Variants in TRIQK observed in about 807,000 individuals in gnomAD.
TRIQK encodes the protein triple QxxK/R motif containing, also known as triple QxxK/R motif-containing protein.
A neutral mutation model predicts 10.8 loss-of-function variants in TRIQK; 10 were observed. That is an observed-to-expected ratio of 0.92 (90% CI 0.57 to 1.57). The LOEUF is 1.57. TRIQK is among the 40% of genes most tolerant of loss of function. The pLI, the probability that TRIQK is intolerant of heterozygous loss-of-function variation, is 0.00. For synonymous variants in TRIQK, 33 were observed against 33.7 expected (o/e 0.98, Z 0.07); for missense variants, 107 against 97.7 (o/e 1.09, Z -0.40).
In TRIQK at chr8:92,920,409, G is replaced by A. The variant is rs146090035; in HGVS notation, c.-21-3399C>T. On this transcript the variant is annotated intron_variant, in intron 2 of 4. Transcript: ENST00000521988. ...GTCACAAGCAAAAATATAGAGAATA[G>A]AAAGTCCAGTAATTTGGGGCTAAAA... is the stretch of plus-strand genomic sequence containing the variant. Among the ~76,000 whole-genome samples, 147 of 151,560 alleles carry A rather than the reference G, an allele frequency of 9.7e-4. 2 individuals are homozygous for A. The highest frequency in any genetic ancestry group is 3.5e-3 in the African/African-American group (144 of 41,438).
chr8:92,944,528 A>G (rs768575891), intron 2 of TRIQK, among the ~76,000 whole-genome samples: 45 of 152,188 alleles, frequency 3.0e-4, no homozygotes, highest in Non-Finnish European at 5.1e-4. Flanking sequence ...CTATCCAGCC[A>G]TAAAAAAGAA....
chr8:92,889,037 T>G (rs1286904364), intron 4 of TRIQK, among the ~76,000 whole-genome samples: 1 of 151,642 alleles, frequency 6.6e-6, no homozygotes, highest in Admixed American at 6.6e-5. Context: ...ATTGCATTAC[T>G]GGGCCATAAA....
intron 1 of TRIQK, among the ~76,000 whole-genome samples, chr8:92,988,937 A>C (rs995474677): frequency 6.6e-6 from 1 of 152,024 alleles, no homozygotes; most frequent in African/African-American, 2.4e-5. Flanking sequence ...GCAGTGTTTT[A>C]TTTATTTTTG....
chr8:93,012,172 G>A (rs1813342022), intron 1 of TRIQK, among the ~76,000 whole-genome samples: 2 of 152,160 alleles, frequency 1.3e-5, no homozygotes, highest in African/African-American at 4.8e-5. Context: ...AAATTGGATG[G>A]ATCAATCATA....
chr8:93,006,434 C>G (rs111886462), intron 1 of TRIQK, among the ~76,000 whole-genome samples: 2 of 152,146 alleles, frequency 1.3e-5, no homozygotes, highest in Non-Finnish European at 2.9e-5. Flanking sequence ...CAGATCTGTG[C>G]GACACACGGA....
At chr8:92,955,968 T>C (rs1210584216) in intron 1 of TRIQK, among the ~76,000 whole-genome samples, 1 of 151,728 alleles carries the variant, frequency 6.6e-6, no homozygotes, top group African/African-American at 2.4e-5. Flanking sequence ...CTGGTAGAAA[T>C]GTAAAATGTT....
At chr8:92,919,308 T>C (rs1287203684) in intron 2 of TRIQK, among the ~76,000 whole-genome samples, 1 of 151,932 alleles carries the variant, frequency 6.6e-6, no homozygotes, top group Non-Finnish European at 1.5e-5. Context: ...TAGATCACTT[T>C]GGGTAGTAGA....
At chr8:93,002,667 C>T (rs1359585258) in intron 1 of TRIQK, among the ~76,000 whole-genome samples, 1 of 152,042 alleles carries the variant, frequency 6.6e-6, no homozygotes, top group Admixed American at 6.6e-5. Flanking sequence ...GACCTGTAAT[C>T]CCAGCAGTTT....
At chr8:92,909,723 A>G (rs1809469289) in intron 3 of TRIQK, among the ~76,000 whole-genome samples, 1 of 151,740 alleles carries the variant, frequency 6.6e-6, no homozygotes, top group African/African-American at 2.4e-5. Flanking sequence ...AAAAATGCTA[A>G]CCAAGCAAAA....
intron 1 of TRIQK, among the ~76,000 whole-genome samples, chr8:92,981,866 A>G (rs1033697827): frequency 6.6e-6 from 1 of 151,976 alleles, no homozygotes; most frequent in South Asian, 2.1e-4. Flanking sequence ...GAGTGTAATC[A>G]TGTATATTTT....
intron 1 of TRIQK, among the ~76,000 whole-genome samples, chr8:92,957,559 GA>G (rs1459483701): frequency 6.6e-6 from 1 of 151,842 alleles, no homozygotes; most frequent in Non-Finnish European, 1.5e-5. Flanking sequence ...TTTAGTAGAA[GA>G]AATGCAAAGT....
At chr8:92,951,644 C>A (rs1011452925) in intron 2 of TRIQK, among the ~76,000 whole-genome samples, 1 of 152,114 alleles carries the variant, frequency 6.6e-6, no homozygotes, top group Non-Finnish European at 1.5e-5. Context: ...ACAGTAAATA[C>A]TTGAGAAAAA....
At chr8:92,930,077 T>C (rs1248625212) in intron 2 of TRIQK, among the ~76,000 whole-genome samples, 1 of 151,358 alleles carries the variant, frequency 6.6e-6, no homozygotes, top group African/African-American at 2.4e-5. Flanking sequence ...AATAAATAAA[T>C]TTTAAAAAGA....
At chr8:92,983,063 G>C (rs1451888472) in intron 1 of TRIQK, among the ~76,000 whole-genome samples, 1 of 151,912 alleles carries the variant, frequency 6.6e-6, no homozygotes, top group Admixed American at 6.6e-5. Flanking sequence ...TGTTTTTAAA[G>C]TTACAAATAC....
At chr8:92,930,024 T>G (rs565646564) in intron 2 of TRIQK, among the ~76,000 whole-genome samples, 79 of 151,838 alleles carry the variant, frequency 5.2e-4, no homozygotes, top group African/African-American at 1.7e-3. Flanking sequence ...GTTGTGCACA[T>G]GTACCCTAGA....
intron 2 of TRIQK, among the ~76,000 whole-genome samples, chr8:92,935,290 A>G (rs1810929961): frequency 6.6e-6 from 1 of 151,834 alleles, no homozygotes; most frequent in Non-Finnish European, 1.5e-5. Flanking sequence ...AACTTGATCA[A>G]TGTTGTGAAC....
upstream of TRIQK, among the ~76,000 whole-genome samples, chr8:92,966,813 C>T (rs1812767978): frequency 6.6e-6 from 1 of 151,892 alleles, no homozygotes; most frequent in South Asian, 2.1e-4. Context: ...AATCTAAGTG[C>T]CTGCAGCCAT....
intron 2 of TRIQK, among the ~76,000 whole-genome samples, chr8:92,949,015 A>G (rs991500313): frequency 1.3e-5 from 2 of 152,194 alleles, no homozygotes; most frequent in Non-Finnish European, 2.9e-5. Flanking sequence ...AAATGAGGCA[A>G]ACACCAAGCT....
At chr8:92,935,073 C>T (rs1451307639) in intron 2 of TRIQK, among the ~76,000 whole-genome samples, 2 of 151,702 alleles carry the variant, frequency 1.3e-5, no homozygotes, top group Admixed American at 1.3e-4. Flanking sequence ...TATCTTCCAT[C>T]TCCTATTCCC....
Sources: gnomAD v4.1 joint callset for allele counts (sites outside exome capture counted in the v4.1 genomes callset) on GRCh38, gnomAD v4.1.1 for gene constraint, MANE v1.5 for transcripts, NCBI Gene and HGNC (gene_info 2026-07-23, HGNC 2026-07-21) for gene names.